RAPGEF4: variants seen among roughly 807,000 people sequenced by gnomAD.
The protein encoded by RAPGEF4 is Rap guanine nucleotide exchange factor 4.
RAPGEF4 carries 66 observed loss-of-function variants against 147.9 expected under a neutral mutation model. The observed-to-expected ratio is 0.45, with a 90% CI of 0.37 to 0.55. The LOEUF is 0.55. Ranked by LOEUF, RAPGEF4 falls within the 20% of genes least tolerant of loss-of-function variation. The probability of loss-of-function intolerance (pLI) is 0.00; values close to 1 mark genes in which losing one functional copy is unlikely to be tolerated. For missense variants in RAPGEF4, 1,071 were observed against 1,257.3 expected (o/e 0.85, Z 2.24); for synonymous variants, 419 against 442.7 (o/e 0.95, Z 0.67).
intron 12 of RAPGEF4, among the ~76,000 whole-genome samples, chr2:172,987,318 A>C (rs1575450924): frequency 6.6e-6 from 1 of 152,152 alleles, no homozygotes; most frequent in South Asian, 2.1e-4. Flanking sequence ...TAAAAAATAA[A>C]AAATAAATTA....
At chr2:172,862,255 C>T (rs559307628) in intron 4 of RAPGEF4, among the ~76,000 whole-genome samples, 1 of 152,166 alleles carries the variant, frequency 6.6e-6, no homozygotes, top group Non-Finnish European at 1.5e-5. Context: ...TGGAAGGCAG[C>T]CCAGTAATCT....
intron 4 of RAPGEF4, chr2:172,821,805 A>G: frequency 1.5e-6 from 2 of 1,309,184 alleles, no homozygotes; most frequent in Non-Finnish European, 2.0e-6. Flanking sequence ...GCTTTCCTGG[A>G]GAACCATCAG....
At chr2:172,923,449 G>A (rs764548366) in intron 6 of RAPGEF4, among the ~76,000 whole-genome samples, 11 of 152,038 alleles carry the variant, frequency 7.2e-5, no homozygotes, top group Non-Finnish European at 1.6e-4. Flanking sequence ...TTTATTTTTA[G>A]TAGAGATGGG....
At chr2:172,897,732 C>CTATTTTATTT (rs71018523) in intron 4 of RAPGEF4, among the ~76,000 whole-genome samples, 2,299 of 134,154 alleles carry the variant, frequency 0.017, 52 homozygotes, top group Admixed American at 0.029. Context: ...GAGTTTTCAT[C>CTATTTTATTT]TATTTTATTT....
chr2:172,879,643 AAC>A, intron 4 of RAPGEF4, among the ~76,000 whole-genome samples: 1 of 152,226 alleles, frequency 6.6e-6, no homozygotes, highest in South Asian at 2.1e-4. Context: ...TCTACAAAAA[AAC>A]ACAAAAAATT....
intron 1 of RAPGEF4, among the ~76,000 whole-genome samples, chr2:172,785,945 C>T (rs1272833308): frequency 6.6e-6 from 1 of 152,080 alleles, no homozygotes; most frequent in African/African-American, 2.4e-5. Flanking sequence ...TGGGCACTCT[C>T]CACGGTAAAG....
At chr2:172,941,437 T>C (rs1406987283) in intron 6 of RAPGEF4, among the ~76,000 whole-genome samples, 2 of 152,208 alleles carry the variant, frequency 1.3e-5, no homozygotes, top group Non-Finnish European at 2.9e-5. Flanking sequence ...TTCTTTAGTT[T>C]TATTATTTTC....
intron 25 of RAPGEF4, among the ~76,000 whole-genome samples, chr2:173,028,152 A>G (rs190869688): frequency 1.3e-5 from 2 of 152,346 alleles, no homozygotes; most frequent in African/African-American, 4.8e-5. Context: ...TTATTTGCCA[A>G]CAACTTGAGG....
At chr2:172,892,302 T>G (rs540951922) in intron 4 of RAPGEF4, among the ~76,000 whole-genome samples, 9 of 152,362 alleles carry the variant, frequency 5.9e-5, no homozygotes, top group African/African-American at 1.9e-4. Flanking sequence ...AGGTTTTTAC[T>G]TAGCTGCATA....
chr2:172,958,559 G>C (rs7562214), intron 6 of RAPGEF4, among the ~76,000 whole-genome samples: 2,809 of 152,308 alleles, frequency 0.018, 88 homozygotes, highest in African/African-American at 0.062. Flanking sequence ...CAGTACGTCT[G>C]CCATAACAGA....
chr2:172,915,396 A>T (rs975495448), intron 4 of RAPGEF4, among the ~76,000 whole-genome samples: 1 of 152,180 alleles, frequency 6.6e-6, no homozygotes, highest in African/African-American at 2.4e-5. Context: ...TGAAATAATT[A>T]TGGATTAAAT....
upstream of RAPGEF4, chr2:172,735,709 C>T (rs374702853): frequency 4.6e-4 from 73 of 160,286 alleles, 2 homozygotes; most frequent in East Asian, 8.3e-3. Context: ...CACCCCGGGG[C>T]GGAATCCCCA....
chr2:172,801,241 T>G (rs1287335948), intron 3 of RAPGEF4, among the ~76,000 whole-genome samples: 1 of 151,872 alleles, frequency 6.6e-6, no homozygotes, highest in East Asian at 1.9e-4. Flanking sequence ...TGAACAGAGG[T>G]GTGAGGAGGA....
rs530677849 is a variant in RAPGEF4, at chr2:172,926,464, C to T, written c.537+4164C>T. On this transcript the variant is annotated intron_variant, in intron 6 of 30. Coordinates refer to ENST00000397081, the MANE Select transcript of RAPGEF4 (RefSeq NM_007023.4). Reference sequence around the variant, plus strand: ...GTGTGGAAGGAGCTGGAGAAGTAGACTCACGGAGATATTACAACATAATCT... The same window carrying T: ...GTGTGGAAGGAGCTGGAGAAGTAGATTCACGGAGATATTACAACATAATCT... Among the ~76,000 whole-genome samples the T allele has an allele frequency of 5.3e-5, 8 of 152,302 alleles. No individual in the cohort carries two copies. The South Asian group carries it at 1.5e-3, about 28-fold the overall frequency.
chr2:172,921,823 T>C (rs1684794147), intron 5 of RAPGEF4, among the ~76,000 whole-genome samples: 1 of 152,250 alleles, frequency 6.6e-6, no homozygotes. Flanking sequence ...GGAAGTTGTT[T>C]TCCAATGTCT....
chr2:173,044,614 C>T (rs944360245), intron 29 of RAPGEF4, among the ~76,000 whole-genome samples: 3 of 152,152 alleles, frequency 2.0e-5, no homozygotes, highest in Admixed American at 6.5e-5. Context: ...CTGTAGGCCA[C>T]GAACTGTAGG....
intron 6 of RAPGEF4, among the ~76,000 whole-genome samples, chr2:172,953,352 C>G (rs1688409466): frequency 6.8e-6 from 1 of 146,092 alleles, no homozygotes; most frequent in Non-Finnish European, 1.5e-5. Flanking sequence ...CTCATGATCT[C>G]TATATATGTA....
chr2:173,000,107 TA>T (rs572329096), intron 16 of RAPGEF4, among the ~76,000 whole-genome samples: 24 of 152,122 alleles, frequency 1.6e-4, no homozygotes, highest in African/African-American at 5.5e-4. Context: ...TTTGGTACAT[TA>T]AAAAAAATAT....
chr2:172,982,430 C>T (rs1243387374), intron 10 of RAPGEF4, among the ~76,000 whole-genome samples: 1 of 152,100 alleles, frequency 6.6e-6, no homozygotes, highest in East Asian at 1.9e-4. Context: ...CAGTTGACTC[C>T]CTAGAACTCT....
Sources: allele counts gnomAD v4.1 joint callset (sites outside exome capture counted in the v4.1 genomes callset), GRCh38; gene constraint gnomAD v4.1.1; transcripts MANE v1.5; gene names NCBI Gene and HGNC (gene_info 2026-07-23, HGNC 2026-07-21).